GUCY1A2: variants seen among roughly 807,000 people sequenced by gnomAD.
GUCY1A2 encodes the protein guanylate cyclase soluble subunit alpha-2.
Under a neutral mutation model 63.5 loss-of-function variants are expected in GUCY1A2, and 27 were observed. That is an observed-to-expected ratio of 0.43 (90% CI 0.31 to 0.59). The LOEUF (loss-of-function observed/expected upper bound fraction) is 0.59. GUCY1A2 is among the 20% of genes least tolerant of loss of function. GUCY1A2 has a pLI of 0.11. For synonymous variants in GUCY1A2, 364 were observed against 343.5 expected (o/e 1.06, Z -0.66); for missense variants, 768 against 913.3 (o/e 0.84, Z 2.05).
chr11:106,844,245 G>A (rs1591299261), intron 4 of GUCY1A2, among the ~76,000 whole-genome samples: 1 of 151,748 alleles, frequency 6.6e-6, no homozygotes, highest in South Asian at 2.1e-4. Flanking sequence ...CATGCTGTCT[G>A]CCATTCTGCT....
chr11:106,874,923 T>C (rs1386178176), intron 4 of GUCY1A2, among the ~76,000 whole-genome samples: 1 of 152,156 alleles, frequency 6.6e-6, no homozygotes, highest in Non-Finnish European at 1.5e-5. Context: ...AAGATTCTTT[T>C]AGCAAAACTA....
At chr11:106,789,601 G>A (rs1864623161) in intron 5 of GUCY1A2, among the ~76,000 whole-genome samples, 2 of 152,152 alleles carry the variant, frequency 1.3e-5, no homozygotes, top group East Asian at 1.9e-4. Flanking sequence ...AGTCTTCATA[G>A]TTTGGGCTTG....
chr11:106,906,650 G>A (rs763216239), intron 4 of GUCY1A2, among the ~76,000 whole-genome samples: 35 of 152,002 alleles, frequency 2.3e-4, no homozygotes, highest in Admixed American at 3.9e-4. Context: ...TGTTTATTGC[G>A]GCACTATTCA....
intron 6 of GUCY1A2, among the ~76,000 whole-genome samples, chr11:106,748,431 T>C (rs774268483): frequency 6.6e-6 from 1 of 152,182 alleles, no homozygotes; most frequent in Non-Finnish European, 1.5e-5. Context: ...TCACTATATG[T>C]ATATGAATTG....
chr11:106,826,820 T>C, intron 4 of GUCY1A2: 1 of 1,608,900 alleles, frequency 6.2e-7, no homozygotes. Flanking sequence ...GTAGTACAGA[T>C]GTCACCGGCA....
chr11:106,678,568 TAGGA>T lies in GUCY1A2; in HGVS notation c.*8977_*8980del. 1 of 212,482 alleles carries T rather than the reference TAGGA, an allele frequency of 4.7e-6. No homozygotes were observed. Among genetic ancestry groups the T allele is most frequent in the Non-Finnish European group, 9.5e-6 (1 of 104,886 alleles). 13.2% of individuals were successfully genotyped at this position (212,482 alleles called of 1,614,324 possible). On this transcript the variant is annotated 3_prime_UTR_variant, in exon 8 of 8. Coordinates refer to ENST00000526355, the MANE Select transcript of GUCY1A2 (RefSeq NM_000855.3). ...GGAGGCAATAAAAGTAGAATTGCTG[TAGGA>T]ATTGAGGTTTCATTGGGTATGGAAA... is the stretch of plus-strand genomic sequence containing the variant.
intron 2 of GUCY1A2, among the ~76,000 whole-genome samples, chr11:106,985,525 T>C (rs866665955): frequency 6.6e-6 from 1 of 152,246 alleles, no homozygotes; most frequent in East Asian, 1.9e-4. Context: ...TAGTAAAAGA[T>C]CTATTTGCTA....
At chr11:106,909,042 G>C (rs1339521960) in intron 4 of GUCY1A2, among the ~76,000 whole-genome samples, 1 of 151,920 alleles carries the variant, frequency 6.6e-6, no homozygotes, top group Non-Finnish European at 1.5e-5. Flanking sequence ...ACCAGGAATA[G>C]TGCGGAATGA....
In GUCY1A2 at chr11:106,986,116, G is replaced by C. The variant is rs200383697; in HGVS notation, c.319C>G (p.Gln107Glu). The change falls in exon 2 of 8, where the codon CAG (glutamine) becomes GAG (glutamate). Residue 107 changes from glutamine to glutamate, a missense_variant. By Grantham distance (29) the Gln-to-Glu change is conservative. Coordinates refer to ENST00000526355, the MANE Select transcript of GUCY1A2 (RefSeq NM_000855.3). Reference sequence around the variant, plus strand: ...TACTGCAGTGTCCTCTTGAGAGTCTGCTGTATCGTCTGAGGCTACAGAATA... The same window carrying C: ...TACTGCAGTGTCCTCTTGAGAGTCTCCTGTATCGTCTGAGGCTACAGAATA... The part of the protein sequence containing the change: ...LTAPSPQTIQ[Q>E]TLKRTLQYYE... The C allele has an allele frequency of 3.8e-5, 57 of 1,481,696 alleles. No homozygotes were observed. Among genetic ancestry groups the C allele is most frequent in the Admixed American group, 1.7e-5 (1 of 59,862 alleles). 91.8% of individuals were successfully genotyped at this position (1,481,696 alleles called of 1,614,324 possible).
chr11:106,827,864 A>C (rs1858994325), intron 4 of GUCY1A2: 1 of 1,596,968 alleles, frequency 6.3e-7, no homozygotes, highest in Non-Finnish European at 8.6e-7. Context: ...ACTTCCCTGC[A>C]GTCATGGGAG....
chr11:106,942,423 T>C (rs373337427), intron 3 of GUCY1A2, among the ~76,000 whole-genome samples: 11 of 152,192 alleles, frequency 7.2e-5, no homozygotes, highest in African/African-American at 2.4e-4. Context: ...TATATACACA[T>C]TCAATGACAG....
At chr11:106,831,359 TG>T (rs1269929974) in intron 4 of GUCY1A2, among the ~76,000 whole-genome samples, 1 of 152,144 alleles carries the variant, frequency 6.6e-6, no homozygotes, top group Non-Finnish European at 1.5e-5. Flanking sequence ...AAACATTCCT[TG>T]GAAGCTTGCT....
chr11:106,947,088 G>C (rs1300579757), intron 3 of GUCY1A2, among the ~76,000 whole-genome samples: 1 of 151,780 alleles, frequency 6.6e-6, no homozygotes, highest in African/African-American at 2.4e-5. Context: ...GCAGTGGCAG[G>C]TTCCTGTAAT....
At chr11:106,688,951 C>T (rs1232267314) in intron 7 of GUCY1A2, among the ~76,000 whole-genome samples, 1 of 152,052 alleles carries the variant, frequency 6.6e-6, no homozygotes, top group Non-Finnish European at 1.5e-5. Context: ...GTTTTAAAGC[C>T]CTAAACTAAG....
chr11:106,823,686 C>T (rs1440090744), intron 4 of GUCY1A2, among the ~76,000 whole-genome samples: 1 of 152,098 alleles, frequency 6.6e-6, no homozygotes, highest in African/African-American at 2.4e-5. Flanking sequence ...TTTACATTCC[C>T]ACCAACAGTG....
In GUCY1A2 at chr11:106,979,497, T is replaced by G. The variant is rs555529460; in HGVS notation, c.366-757A>C. 5.3e-5 allele frequency among the ~76,000 whole-genome samples: 8 copies of G among 151,138 alleles called. No homozygotes were observed. In the East Asian group the frequency reaches 1.6e-3, roughly 29 times the overall value. On this transcript the variant is annotated intron_variant, in intron 2 of 7. Transcript: ENST00000526355. ...AAAAGAAGAAGATAGCAGTATGGTG[T>G]ATAAATAACATACACCTGGCAGAAT... is the stretch of plus-strand genomic sequence containing the variant.
intron 6 of GUCY1A2, among the ~76,000 whole-genome samples, chr11:106,772,362 T>A (rs914593265): frequency 1.3e-5 from 2 of 152,144 alleles, no homozygotes; most frequent in African/African-American, 4.8e-5. Flanking sequence ...ACATATCAAC[T>A]CTACTACAAC....
intron 4 of GUCY1A2, among the ~76,000 whole-genome samples, chr11:106,927,381 A>T (rs1042075713): frequency 2.0e-5 from 3 of 151,968 alleles, no homozygotes; most frequent in Non-Finnish European, 4.4e-5. Flanking sequence ...TCAAAAAAAA[A>T]ATCAAGATTA....
chr11:106,794,608 T>C (rs1008257325), intron 5 of GUCY1A2, among the ~76,000 whole-genome samples: 4 of 152,088 alleles, frequency 2.6e-5, no homozygotes, highest in Non-Finnish European at 4.4e-5. Context: ...ATATATCAAA[T>C]TGTCACATTG....
Sources: gnomAD v4.1 joint callset for allele counts (sites outside exome capture counted in the v4.1 genomes callset) on GRCh38, gnomAD v4.1.1 for gene constraint, MANE v1.5 for transcripts, NCBI Gene and HGNC (gene_info 2026-07-23, HGNC 2026-07-21) for gene names.